The following ADRA1A variants were observed in gnomAD, a reference collection of about 807,000 sequenced individuals.
ADRA1A encodes the protein adrenoceptor alpha 1A.
A neutral mutation model predicts 29.6 loss-of-function variants in ADRA1A; 31 were observed. The ratio of observed to expected loss-of-function variants is 1.05; its 90% confidence interval spans 0.79 to 1.41. ADRA1A has a LOEUF of 1.41. Ranked by LOEUF, ADRA1A falls within the 40% of genes most tolerant of loss-of-function variation. The pLI is 0.00. For missense variants in ADRA1A, 619 were observed against 601.1 expected (o/e 1.03, Z -0.31); for synonymous variants, 311 against 254.3 (o/e 1.22, Z -2.12).
intron 2 of ADRA1A, among the ~76,000 whole-genome samples, chr8:26,846,633 G>T (rs563881767): frequency 6.6e-6 from 1 of 152,250 alleles, no homozygotes; most frequent in Non-Finnish European, 1.5e-5. Flanking sequence ...TTAGCCAGGC[G>T]TGGTGGCAGG....
In ADRA1A at chr8:26,866,986, G is replaced by A. The variant is rs1013645117; in HGVS notation, c.-737C>T. The A allele has an allele frequency of 5.5e-5, 54 of 985,150 alleles. No individual in the cohort carries two copies. Among genetic ancestry groups the A allele is most frequent in the Non-Finnish European group, 6.0e-5 (50 of 829,922 alleles). The allele number at this position is 985,150 out of a possible 1,614,324, so 61.0% of individuals were successfully genotyped here. On this transcript the variant is annotated 5_prime_UTR_variant, in exon 1 of 3. Coordinates refer to ENST00000380573, the MANE Select transcript of ADRA1A (RefSeq NM_000680.4). This position sits in a 1 kb window ranked among gnomAD's most constrained non-coding sequence, Gnocchi z 5.7. Reference sequence around the variant, plus strand: ...GCTCGCGCGCGGGGGATGTGGACCCGGCTTCGGTCCCGGGAGCTGCCTGCC... The same window carrying A: ...GCTCGCGCGCGGGGGATGTGGACCCAGCTTCGGTCCCGGGAGCTGCCTGCC...
At chr8:26,794,461 C>T (rs892274042) in intron 2 of ADRA1A, among the ~76,000 whole-genome samples, 1 of 152,034 alleles carries the variant, frequency 6.6e-6, no homozygotes, top group Non-Finnish European at 1.5e-5. Context: ...TTAGGCCTTG[C>T]TAGCTGTATG....
At chr8:26,810,695 T>C (rs1179836232) in intron 2 of ADRA1A, among the ~76,000 whole-genome samples, 1 of 152,144 alleles carries the variant, frequency 6.6e-6, no homozygotes, top group Non-Finnish European at 1.5e-5. Flanking sequence ...CTGGACTCAT[T>C]TTTTCAGGTC....
At chr8:26,833,178 C>A (rs526302) in intron 2 of ADRA1A, among the ~76,000 whole-genome samples, 31,671 of 152,002 alleles carry the variant, frequency 0.21, 3,487 homozygotes, top group Non-Finnish European at 0.25. Context: ...GAGTCTGAAG[C>A]CTCACTGGAC....
In ADRA1A at chr8:26,865,843, C is replaced by G; in HGVS notation, c.-686-188G>C. ...TCGCGCCCCCACCACTGGGAACCTG[C>G]CTAGCGCACTCTACTGAGTCACCTC... On this transcript the variant is annotated intron_variant, in intron 1 of 2. Coordinates refer to ENST00000380573, the MANE Select transcript of ADRA1A (RefSeq NM_000680.4). This position sits in a 1 kb window ranked among gnomAD's most constrained non-coding sequence, Gnocchi z 7.6. 3.3e-6 allele frequency: 1 copy of G among 304,210 alleles called. No homozygotes were observed. Among genetic ancestry groups the G allele is most frequent in the South Asian group, 1.3e-4 (1 of 7,828 alleles). The allele number at this position is 304,210 out of a possible 1,614,324, so 18.8% of individuals were successfully genotyped here.
At chr8:26,857,095 G>A (rs1027619418) in intron 2 of ADRA1A, among the ~76,000 whole-genome samples, 1 of 152,168 alleles carries the variant, frequency 6.6e-6, no homozygotes, top group Non-Finnish European at 1.5e-5. Context: ...GAATGAAACA[G>A]CAGTGATGCT....
downstream of ADRA1A, among the ~76,000 whole-genome samples, chr8:26,764,090 C>G (rs776991756): frequency 2.3e-4 from 35 of 152,260 alleles, no homozygotes; most frequent in Non-Finnish European, 4.4e-4. Flanking sequence ...CTCTCTGTGC[C>G]TCTCTGTGTT....
intron 2 of ADRA1A, among the ~76,000 whole-genome samples, chr8:26,843,412 C>T (rs61283771): frequency 6.6e-6 from 1 of 152,158 alleles, no homozygotes; most frequent in East Asian, 1.9e-4. Flanking sequence ...TTTTCAGCTT[C>T]AATTCCTCTC....
chr8:26,774,615 G>T (rs2130308341), intron 2 of ADRA1A, among the ~76,000 whole-genome samples: 1 of 151,540 alleles, frequency 6.6e-6, no homozygotes, highest in African/African-American at 2.4e-5. Flanking sequence ...GTTGTAGTGA[G>T]CTAATGCGCA....
chr8:26,857,526 C>A (rs761645699), intron 2 of ADRA1A, among the ~76,000 whole-genome samples: 2 of 152,086 alleles, frequency 1.3e-5, no homozygotes, highest in Non-Finnish European at 2.9e-5. Context: ...TAAAAATTAG[C>A]CAGGCATGGT....
At chr8:26,827,101 G>C (rs912827550) in intron 2 of ADRA1A, among the ~76,000 whole-genome samples, 1 of 152,294 alleles carries the variant, frequency 6.6e-6, no homozygotes, top group Middle Eastern at 3.4e-3. Context: ...GATGATTCAT[G>C]CAATGTGCTT....
chr8:26,807,140 A>G (rs537440012), intron 2 of ADRA1A, among the ~76,000 whole-genome samples: 7 of 152,286 alleles, frequency 4.6e-5, no homozygotes, highest in African/African-American at 1.7e-4. Context: ...CTTCATAAGA[A>G]TCACAAATCT....
intron 2 of ADRA1A, among the ~76,000 whole-genome samples, chr8:26,857,402 C>T (rs1417728423): frequency 1.3e-5 from 2 of 152,154 alleles, no homozygotes; most frequent in East Asian, 3.8e-4. Context: ...TGTGGTGACT[C>T]ATGCCTCTAA....
intron 2 of ADRA1A, among the ~76,000 whole-genome samples, chr8:26,820,216 C>T (rs1810058888): frequency 6.6e-6 from 1 of 152,076 alleles, no homozygotes; most frequent in African/African-American, 2.4e-5. Flanking sequence ...AAAGAAATAC[C>T]AGACTTGAAT....
At chr8:26,779,290 A>G in intron 2 of ADRA1A, 1 of 702,292 alleles carries the variant, frequency 1.4e-6, no homozygotes, top group Non-Finnish European at 2.6e-6. Flanking sequence ...ACTGGTCACC[A>G]AACCCCACAG....
At chr8:26,820,487 C>CAAGATCATTGTG in intron 2 of ADRA1A, among the ~76,000 whole-genome samples, 1 of 152,198 alleles carries the variant, frequency 6.6e-6, no homozygotes, top group Admixed American at 6.5e-5. Flanking sequence ...CTTGACTAAA[C>CAAGATCATTGTG]ATCATTGATC....
At chr8:26,817,299 T>C (rs1809836308) in intron 2 of ADRA1A, among the ~76,000 whole-genome samples, 2 of 152,208 alleles carry the variant, frequency 1.3e-5, no homozygotes, top group African/African-American at 4.8e-5. Context: ...TCAACATCAT[T>C]AGTCTTTAGG....
At position 26,865,083 on chromosome 8, in the gene ADRA1A, C is replaced by A; in HGVS notation, c.-114G>T. 10 of 1,501,538 alleles carry A rather than the reference C, an allele frequency of 6.7e-6. No homozygotes were observed. Among genetic ancestry groups the A allele is most frequent in the Non-Finnish European group, 8.8e-6 (10 of 1,136,134 alleles). 93.0% of individuals were successfully genotyped at this position (1,501,538 alleles called of 1,614,324 possible). ...AAGGTCTCGGCTGGAGGGAGCCCTG[C>A]CAGGTGGGTTTGGCTGGGGGTGAGA... On this transcript the variant is annotated 5_prime_UTR_variant, in exon 2 of 3. Coordinates refer to ENST00000380573, the MANE Select transcript of ADRA1A (RefSeq NM_000680.4). This position sits in a 1 kb window ranked among gnomAD's most constrained non-coding sequence, Gnocchi z 7.6.
chr8:26,860,057 G>A lies in ADRA1A; in HGVS notation c.883+4030C>T, dbSNP rs1044671528. 2.0e-5 allele frequency among the ~76,000 whole-genome samples: 3 copies of A among 152,174 alleles called. No homozygotes were observed. The highest frequency in any genetic ancestry group is 4.8e-5 in the African/African-American group (2 of 41,506). On this transcript the variant is annotated intron_variant, in intron 2 of 2. Transcript: ENST00000380573. The surrounding 1 kb of genome is among the most constrained non-coding windows in gnomAD (Gnocchi z 4.7). The stretch of plus-strand genomic sequence containing the variant: ...GCTGGGATTAGAGGCATGAGCCACC[G>A]CGCCTGGCACCTCACTAGGATTTAA...
Sources: allele counts gnomAD v4.1 joint callset (sites outside exome capture counted in the v4.1 genomes callset), GRCh38; gene constraint gnomAD v4.1.1; non-coding constraint Gnocchi (gnomAD v3.1); transcripts MANE v1.5; gene names NCBI Gene and HGNC (gene_info 2026-07-23, HGNC 2026-07-21).